GCSAML: variants seen among roughly 807,000 people sequenced by gnomAD.
GCSAML encodes the protein germinal center associated signaling and motility like.
Under a neutral mutation model 13.0 loss-of-function variants are expected in GCSAML, and 9 were observed. The observed-to-expected ratio is 0.69, with a 90% confidence interval of 0.42 to 1.21. The LOEUF is 1.21. Ranked by LOEUF, GCSAML falls within the 50% of genes most tolerant of loss-of-function variation. The probability of loss-of-function intolerance (pLI) is 0.00; values close to 1 mark genes in which losing one functional copy is unlikely to be tolerated. For missense variants in GCSAML, 143 were observed against 153.4 expected, an observed-to-expected ratio of 0.93 and a Z score of 0.36; for synonymous variants, 37 against 52.9, an observed-to-expected ratio of 0.70 and a Z score of 1.31.
chr1:247,550,271 T>C (rs1439821259), intron 1 of GCSAML, among the ~76,000 whole-genome samples: 1 of 152,174 alleles, frequency 6.6e-6, no homozygotes, highest in Non-Finnish European at 1.5e-5. Flanking sequence ...ACCGTCTCCT[T>C]TCACCAGGTT....
At chr1:247,574,024 T>G in intron 4 of GCSAML, 119 bp from the exon 5 acceptor site, 1 of 1,128,616 alleles carries the variant, frequency 8.9e-7, no homozygotes, top group East Asian at 2.4e-5. Flanking sequence ...GCTTGGGTTT[T>G]GGATACCTTA....
In GCSAML at chr1:247,526,759, TAAAAG is replaced by T. The variant is rs1666698002; in HGVS notation, c.-262-174_-262-170del. ...AAGCCTATGGTTGCTGCAAGAGGAA[TAAAAG>T]AAAAGATGGAGCCTAGAAAATTCTG... On this transcript the variant is annotated intron_variant, in intron 1 of 5. Coordinates refer to the GCSAML transcript ENST00000366489. The surrounding 1 kb of genome is among the most constrained non-coding windows in gnomAD (Gnocchi z 4.8). The T allele has an allele frequency of 2.8e-6, 1 of 359,952 alleles. No homozygotes were observed. Among genetic ancestry groups the T allele is most frequent in the African/African-American group, 2.1e-5 (1 of 46,710 alleles). The allele number at this position is 359,952 out of a possible 1,614,324, so 22.3% of individuals were successfully genotyped here. A position where few individuals can be genotyped will look rare whatever the true frequency, so the allele number is the denominator to read the frequency against.
chr1:247,532,414 A>G (rs1300559540), intron 2 of GCSAML: 1 of 1,614,086 alleles, frequency 6.2e-7, no homozygotes, highest in South Asian at 1.1e-5. Context: ...GTAAAAACTC[A>G]AGACAACTAT....
At chr1:247,542,849 C>T (rs1006924401) in intron 2 of GCSAML, among the ~76,000 whole-genome samples, 1 of 152,112 alleles carries the variant, frequency 6.6e-6, no homozygotes, top group African/African-American at 2.4e-5. Flanking sequence ...ATGTAAAATA[C>T]GTAGGAAATA....
upstream of GCSAML, among the ~76,000 whole-genome samples, chr1:247,544,508 T>G (rs1238821895): frequency 6.6e-6 from 1 of 152,148 alleles, no homozygotes; most frequent in Non-Finnish European, 1.5e-5. Context: ...AAAGGTACAT[T>G]CCCCACAAGT....
At chr1:247,546,508 GC>G (rs1667581120), upstream of GCSAML, among the ~76,000 whole-genome samples, 1 of 151,896 alleles carries the variant, frequency 6.6e-6, no homozygotes, top group Non-Finnish European at 1.5e-5. Context: ...ACAGGTGCCC[GC>G]CACCACGCCT....
Position 247,563,633 on chromosome 1 carries a change from A to T in GCSAML, c.133A>T (p.Lys45Ter). The T allele has an allele frequency of 6.4e-7, 1 of 1,559,044 alleles. No homozygotes were observed. Among genetic ancestry groups the T allele is most frequent in the South Asian group, 1.1e-5 (1 of 89,132 alleles). Residue 45 changes from lysine (K) to a stop codon, truncating the protein, a stop_gained, in exon 3 of 5, where the codon AAG becomes TAG. Transcript: ENST00000366488. LOFTEE classifies it low-confidence loss of function (END_TRUNC). ...TFERKLQDQD[K>*]KSQEVSSTSN... ...TGAAAGAAAACTTCAAGATCAAGAT[A>T]AGAAAAGTAAGTCATGGCTGTATAA... is the stretch of plus-strand genomic sequence containing the variant.
chr1:247,531,771 A>G (rs2103003294), intron 2 of GCSAML: 1 of 1,614,188 alleles, frequency 6.2e-7, no homozygotes. Context: ...GAGACACCAC[A>G]GCCACGTGGG....
At chr1:247,549,624 T>G (rs1238381471) in intron 1 of GCSAML, among the ~76,000 whole-genome samples, 3 of 152,228 alleles carry the variant, frequency 2.0e-5, no homozygotes, top group Non-Finnish European at 4.4e-5. Flanking sequence ...CAATTGTCAC[T>G]TGAATTTTCC....
rs1666677703 is a variant in GCSAML at position 247,526,257 on chromosome 1, G to A, written c.-262-683G>A. On this transcript the variant is annotated intron_variant, in intron 1 of 5. Coordinates refer to the GCSAML transcript ENST00000366489. This position sits in a 1 kb window ranked among gnomAD's most constrained non-coding sequence, Gnocchi z 4.8. ...TTTCTTACCATGAGAAGCTTGCCAT[G>A]TTGAGGGTGATTATAATTTTTAAAG... The A allele has an allele frequency of 6.6e-6, 1 of 152,176 alleles. No homozygotes were observed. Among genetic ancestry groups the A allele is most frequent in the Admixed American group, 6.5e-5 (1 of 15,286 alleles). The allele number at this position is 152,176 out of a possible 1,614,324, so 9.4% of individuals were successfully genotyped here.
chr1:247,522,241 G>T, intron 1 of GCSAML, among the ~76,000 whole-genome samples: 1 of 111,758 alleles, frequency 8.9e-6, no homozygotes, highest in African/African-American at 3.2e-5. Flanking sequence ...GCCCTGTCCG[G>T]GAGGGAGGTG....
rs1325532801 is a variant in GCSAML, at chr1:247,532,070, C to T, written c.-148+5016C>T. 1.9e-6 allele frequency: 3 copies of T among 1,614,058 alleles called. No individual in the cohort carries two copies. The highest frequency in any genetic ancestry group is 2.5e-6 in the Non-Finnish European group (3 of 1,179,994). On this transcript the variant is annotated intron_variant, in intron 2 of 5. Coordinates refer to the GCSAML transcript ENST00000366489. ...GTGGTCAGACCCCCCAGCCAGGAGG[C>T]CAAAGCTAGCCCAAGGCAAAGCTGT... is the stretch of plus-strand genomic sequence containing the variant.
intron 1 of GCSAML, among the ~76,000 whole-genome samples, chr1:247,556,126 C>A (rs1196949756): frequency 1.3e-5 from 2 of 152,134 alleles, no homozygotes; most frequent in African/African-American, 4.8e-5. Context: ...CTCACCTCTT[C>A]TAGAGATGCA....
intron 1 of GCSAML, among the ~76,000 whole-genome samples, chr1:247,524,027 C>CACACACACAG (rs1337037472): frequency 6.6e-6 from 1 of 151,654 alleles, no homozygotes; most frequent in Admixed American, 6.6e-5. Context: ...CACACACACA[C>CACACACACAG]ACTCTGCAGA....
chr1:247,517,107 A>G (rs1666236499), intron 1 of GCSAML, among the ~76,000 whole-genome samples: 2 of 152,128 alleles, frequency 1.3e-5, no homozygotes, highest in South Asian at 4.1e-4. Context: ...GTGAGTGGAC[A>G]TGGCAAGGAA....
At position 247,532,144 on chromosome 1, in the gene GCSAML, C is replaced by T. The variant is rs146056608; in HGVS notation, c.-148+5090C>T. 96 of 1,613,886 alleles carry T rather than the reference C, an allele frequency of 5.9e-5. No homozygotes were observed. Among genetic ancestry groups the T allele is most frequent in the Middle Eastern group, 3.3e-4 (2 of 6,084 alleles). On this transcript the variant is annotated intron_variant, in intron 2 of 5. Transcript: ENST00000366489. Reference sequence around the variant, plus strand: ...GAGTGGCCTGCAGATGGCAGCGTAGCGGTCATAGGACATGGTGGCCAGCAG... The same window carrying T: ...GAGTGGCCTGCAGATGGCAGCGTAGTGGTCATAGGACATGGTGGCCAGCAG...
intron 1 of GCSAML, chr1:247,507,380 A>C (rs2103290477): frequency 6.6e-6 from 1 of 152,338 alleles, no homozygotes; most frequent in East Asian, 1.9e-4. Flanking sequence ...GAAGAAATAG[A>C]AATGTAATGT....
intron 2 of GCSAML, among the ~76,000 whole-genome samples, chr1:247,562,513 C>T (rs890783567): frequency 3.3e-5 from 5 of 152,182 alleles, no homozygotes; most frequent in Non-Finnish European, 7.4e-5. Context: ...CAAGAGGGGT[C>T]TCTGCTCTGT....
chr1:247,565,695 A>G, intron 3 of GCSAML: 2 of 447,126 alleles, frequency 4.5e-6, no homozygotes, highest in South Asian at 4.7e-5. Flanking sequence ...ATTTACAGAA[A>G]GAACATACTA....
Sources: gnomAD v4.1 joint callset for allele counts (sites outside exome capture counted in the v4.1 genomes callset) on GRCh38, gnomAD v4.1.1 for gene constraint, Gnocchi (gnomAD v3.1) non-coding constraint, MANE v1.5 for transcripts, NCBI Gene and HGNC (gene_info 2026-07-23, HGNC 2026-07-21) for gene names.